AGAP1: variants seen among roughly 807,000 people sequenced by gnomAD.
AGAP1 encodes ArfGAP with GTPase domain, ankyrin repeat and PH domain 1.
In AGAP1, 29 loss-of-function variants were observed where a neutral mutation model predicts 105.3. The ratio of observed to expected loss-of-function variants is 0.28; its 90% CI spans 0.21 to 0.38. AGAP1 has a LOEUF of 0.38. AGAP1 is among the 10% of genes least tolerant of loss of function. AGAP1 has a pLI of 1.00. For missense variants in AGAP1, 998 were observed against 1,165.1 expected (o/e 0.86, Z 2.09); for synonymous variants, 509 against 485.9 (o/e 1.05, Z -0.63).
At position 235,960,264 on chromosome 2, in the gene AGAP1, C is replaced by A. The variant is rs531530426; in HGVS notation, c.1484-8198C>A. Among the ~76,000 whole-genome samples the A allele has an allele frequency of 1.3e-5, 2 of 152,332 alleles. No homozygotes were observed. The highest frequency in any genetic ancestry group is 2.9e-5 in the Non-Finnish European group (2 of 68,026). On this transcript the variant is annotated intron_variant, in intron 12 of 17. Transcript: ENST00000304032. The surrounding 1 kb of genome is among the most constrained non-coding windows in gnomAD (Gnocchi z 4.9). ...CTCCTGAGGACGACTGCAAGGAGCT[C>A]ATGAATGCTGGCCTGGCTTTCTGTT...
chr2:235,774,218 A>T (rs1265277084), intron 6 of AGAP1: 11 of 399,980 alleles, frequency 2.8e-5, no homozygotes, highest in Non-Finnish European at 5.5e-5. Context: ...CACATCTATA[A>T]ACTAAAAATG....
Position 235,750,225 on chromosome 2 carries a change from A to G in AGAP1, c.539-129A>G. 1 of 1,342,166 alleles carries G rather than the reference A, an allele frequency of 7.5e-7. No individual in the cohort carries two copies. The highest frequency in any genetic ancestry group is 1.0e-6 in the Non-Finnish European group (1 of 965,394). The allele number at this position is 1,342,166 out of a possible 1,614,324, so 83.1% of individuals were successfully genotyped here. A position where few individuals can be genotyped will look rare whatever the true frequency, so the allele number is the denominator to read the frequency against. On this transcript the variant is annotated intron_variant, in intron 5 of 17. Coordinates refer to ENST00000304032, the MANE Select transcript of AGAP1 (RefSeq NM_001037131.3). This position sits in a 1 kb window ranked among gnomAD's most constrained non-coding sequence, Gnocchi z 5.3. ...AGTTGGGAGGCAAACGATGCTCTAC[A>G]ATTCCAGATTCATAAACTAATTACA...
intron 12 of AGAP1, among the ~76,000 whole-genome samples, chr2:235,954,622 G>A (rs1391552716): frequency 2.0e-5 from 3 of 150,928 alleles, no homozygotes; most frequent in Non-Finnish European, 4.4e-5. Flanking sequence ...CGACAGCCAT[G>A]TTTGCACGTT....
chr2:235,908,739 A>G lies in AGAP1; in HGVS notation c.1157A>G (p.Asp386Gly). 6.2e-7 allele frequency: 1 copy of G among 1,603,416 alleles called. No homozygotes were observed. The highest frequency in any genetic ancestry group is 2.2e-5 in the East Asian group (1 of 44,678). The change falls in exon 11 of 18, where the codon GAT (aspartate) becomes GGT (glycine). Residue 386 changes from aspartate to glycine, a missense_variant and splice_region_variant. Asp to Gly is a moderately conservative substitution (Grantham distance 94). This residue lies in a region of AGAP1 where 735 missense variants were observed against 833.4 expected (regional missense o/e 0.88). Transcript: ENST00000304032. This position sits in a 1 kb window ranked among gnomAD's most constrained non-coding sequence, Gnocchi z 4.4. ...TTGGATGTTTAACATTTTCAACAGG[A>G]TTACATGCAGAATGTTCATGGTAAG... ...GVLTYHPSLH[D>G]YMQNVHGKEI...
Position 235,830,171 on chromosome 2 carries a change from C to T in AGAP1, c.1050+22840C>T, listed in dbSNP as rs2106337114. On this transcript the variant is annotated intron_variant, in intron 9 of 17. Transcript: ENST00000304032. The surrounding 1 kb of genome is among the most constrained non-coding windows in gnomAD (Gnocchi z 5.5). ...GCCACCGTGATCCGAGACTGGGAGG[C>T]CCAGAAAAGATGCAGACAAGGTAGG... Among the ~76,000 whole-genome samples the T allele has an allele frequency of 6.6e-6, 1 of 152,228 alleles. No homozygotes were observed. The highest frequency in any genetic ancestry group is 1.9e-4 in the East Asian group (1 of 5,170).
intron 16 of AGAP1, among the ~76,000 whole-genome samples, chr2:236,112,093 C>G (rs986165691): frequency 6.6e-6 from 1 of 152,154 alleles, no homozygotes; most frequent in Non-Finnish European, 1.5e-5. Context: ...CGCCCCCACC[C>G]TGGGTCCTTG....
chr2:235,603,539 A>T (rs982468846), intron 1 of AGAP1, among the ~76,000 whole-genome samples: 1 of 152,212 alleles, frequency 6.6e-6, no homozygotes, highest in Non-Finnish European at 1.5e-5. Context: ...CTAGTTACAC[A>T]GTTCAGGTGC....
intron 9 of AGAP1, chr2:235,852,572 G>T (rs2048518308): frequency 9.7e-7 from 1 of 1,028,226 alleles, no homozygotes. Context: ...ATCTCTTAAT[G>T]AATAGAGACT....
chr2:235,869,179 A>G (rs2049318710), intron 9 of AGAP1, among the ~76,000 whole-genome samples: 1 of 152,164 alleles, frequency 6.6e-6, no homozygotes, highest in Non-Finnish European at 1.5e-5. Context: ...GCAGCGGGGT[A>G]ACAAGTATAA....
chr2:235,550,866 C>G lies in AGAP1; in HGVS notation c.163+56017C>G, dbSNP rs1365416739. 6.6e-6 allele frequency among the ~76,000 whole-genome samples: 1 copy of G among 152,152 alleles called. No homozygotes were observed. The highest frequency in any genetic ancestry group is 1.5e-5 in the Non-Finnish European group (1 of 68,036). ...CTCGGCTCACTACAACCTCCACCTC[C>G]TGGGTCCAAGCAATTCTCCTGCCTC... On this transcript the variant is annotated intron_variant, in intron 1 of 17. Coordinates refer to ENST00000304032, the MANE Select transcript of AGAP1 (RefSeq NM_001037131.3). The surrounding 1 kb of genome is among the most constrained non-coding windows in gnomAD (Gnocchi z 4.6).
At chr2:235,822,254 A>G (rs1422475899) in intron 9 of AGAP1, among the ~76,000 whole-genome samples, 1 of 152,266 alleles carries the variant, frequency 6.6e-6, no homozygotes, top group Non-Finnish European at 1.5e-5. Flanking sequence ...ACAGTCTTAA[A>G]TAAAATTTAA....
At chr2:235,820,994 C>G (rs1958757218) in intron 9 of AGAP1, among the ~76,000 whole-genome samples, 2 of 152,212 alleles carry the variant, frequency 1.3e-5, no homozygotes, top group Non-Finnish European at 2.9e-5. Flanking sequence ...AACAGTCATA[C>G]ATGATGGACA....
rs2057710816 is a variant in AGAP1, at chr2:236,046,108, G to T, written c.1892-2951G>T. 2.2e-6 allele frequency: 1 copy of T among 449,394 alleles called. No individual in the cohort carries two copies. The highest frequency in any genetic ancestry group is 2.4e-5 in the Admixed American group (1 of 41,638). The allele number at this position is 449,394 out of a possible 1,614,324, so 27.8% of individuals were successfully genotyped here. ...TGTATCTGCAACCCACAGCGGCATG[G>T]AGGGCGGTGGGGTGGGCATAGGAAC... On this transcript the variant is annotated intron_variant, in intron 15 of 17. Coordinates refer to ENST00000304032, the MANE Select transcript of AGAP1 (RefSeq NM_001037131.3). This position sits in a 1 kb window ranked among gnomAD's most constrained non-coding sequence, Gnocchi z 5.2.
chr2:235,508,157 T>C (rs973550370), intron 1 of AGAP1, among the ~76,000 whole-genome samples: 2 of 152,226 alleles, frequency 1.3e-5, no homozygotes, highest in Admixed American at 6.5e-5. Context: ...AGTGTACATG[T>C]ACCACATTTT....
At chr2:235,943,964 C>A (rs1353780238) in intron 12 of AGAP1, among the ~76,000 whole-genome samples, 1 of 152,076 alleles carries the variant, frequency 6.6e-6, no homozygotes, top group Admixed American at 6.5e-5. Flanking sequence ...ATTAATTATA[C>A]AATGATACTA....
chr2:236,070,203 A>G (rs571309886), intron 16 of AGAP1, among the ~76,000 whole-genome samples: 155 of 152,366 alleles, frequency 1.0e-3, no homozygotes, highest in Non-Finnish European at 1.2e-3. Context: ...TGGACCTGCT[A>G]GTTCTCCTTT....
chr2:235,598,275 T>C (rs1945608003), intron 1 of AGAP1, among the ~76,000 whole-genome samples: 1 of 152,198 alleles, frequency 6.6e-6, no homozygotes, highest in Non-Finnish European at 1.5e-5. Flanking sequence ...CCCACTGAGC[T>C]GCTGGGACAG....
chr2:235,835,049 G>T (rs1038326593), intron 9 of AGAP1, among the ~76,000 whole-genome samples: 2 of 152,152 alleles, frequency 1.3e-5, no homozygotes, highest in African/African-American at 4.8e-5. Flanking sequence ...CTCGCCCCTC[G>T]GCCTCACACC....
intron 16 of AGAP1, among the ~76,000 whole-genome samples, chr2:236,064,786 G>C (rs561882998): frequency 6.6e-6 from 1 of 152,118 alleles, no homozygotes; most frequent in Non-Finnish European, 1.5e-5. Context: ...GAATTCTTTG[G>C]GGGTGTGGAA....
Sources: allele counts gnomAD v4.1 joint callset (sites outside exome capture counted in the v4.1 genomes callset), GRCh38; gene constraint gnomAD v4.1.1; regional missense constraint gnomAD v4.1.1; non-coding constraint Gnocchi (gnomAD v3.1); transcripts MANE v1.5; gene names NCBI Gene and HGNC (gene_info 2026-07-23, HGNC 2026-07-21).